The following GRK3 variants were observed in gnomAD, a reference collection of about 807,000 sequenced individuals.
GRK3 encodes G protein-coupled receptor kinase 3.
A neutral mutation model predicts 95.7 loss-of-function variants in GRK3; 54 were observed. The observed-to-expected ratio is 0.56, with a 90% CI of 0.45 to 0.71. The LOEUF is 0.71. Ranked by LOEUF, GRK3 falls within the 30% of genes least tolerant of loss-of-function variation. GRK3 has a pLI of 0.00. For missense variants in GRK3, 649 were observed against 851.2 expected (o/e 0.76, Z 2.96); for synonymous variants, 281 against 290.8 (o/e 0.97, Z 0.34).
intron 3 of GRK3, among the ~76,000 whole-genome samples, chr22:25,649,776 C>A (rs772378801): frequency 5.9e-5 from 9 of 151,994 alleles, no homozygotes; most frequent in Non-Finnish European, 1.2e-4. Flanking sequence ...GGACATGGGC[C>A]AGGTTTTTCA....
chr22:25,703,847 G>A (rs2085277766), intron 14 of GRK3, among the ~76,000 whole-genome samples: 1 of 152,138 alleles, frequency 6.6e-6, no homozygotes, highest in African/African-American at 2.4e-5. Flanking sequence ...GAGAACAGAA[G>A]TAAAGAAATC....
intron 1 of GRK3, among the ~76,000 whole-genome samples, chr22:25,588,277 T>C (rs1180341203): frequency 6.6e-6 from 1 of 152,238 alleles, no homozygotes; most frequent in Non-Finnish European, 1.5e-5. Flanking sequence ...CCTTAATATC[T>C]AGTTATATTG....
chr22:25,718,153 A>G, intron 18 of GRK3, 92 bp from the exon 19 acceptor site: 1 of 1,436,558 alleles, frequency 7.0e-7, no homozygotes, highest in Non-Finnish European at 9.5e-7. Context: ...GCTTTTTCCA[A>G]AAAGCATGTC....
At chr22:25,616,022 T>C (rs1601476290) in intron 2 of GRK3, among the ~76,000 whole-genome samples, 1 of 147,602 alleles carries the variant, frequency 6.8e-6, no homozygotes, top group African/African-American at 2.6e-5. Flanking sequence ...ACAGTGGGAG[T>C]TGGGGTGAGG....
At chr22:25,582,777 A>G (rs1341845480) in intron 1 of GRK3, among the ~76,000 whole-genome samples, 1 of 152,192 alleles carries the variant, frequency 6.6e-6, no homozygotes, top group Non-Finnish European at 1.5e-5. Context: ...ATTCCTCCAC[A>G]TTATACACAA....
At chr22:25,646,861 A>C (rs917284053) in intron 3 of GRK3, among the ~76,000 whole-genome samples, 8 of 151,990 alleles carry the variant, frequency 5.3e-5, no homozygotes, top group Non-Finnish European at 8.8e-5. Flanking sequence ...TCTCTACTAA[A>C]AATACAAAAA....
At chr22:25,575,637 A>T (rs568537276) in intron 1 of GRK3, among the ~76,000 whole-genome samples, 6 of 152,328 alleles carry the variant, frequency 3.9e-5, no homozygotes, top group South Asian at 4.1e-4. Context: ...TTTAGAGTTT[A>T]AAAAAACCCC....
chr22:25,597,634 G>C lies in GRK3; in HGVS notation c.114-6743G>C, dbSNP rs547067898. Among the ~76,000 whole-genome samples, 86 of 152,252 alleles carry C rather than the reference G, an allele frequency of 5.6e-4. 1 individual carries two copies. Among genetic ancestry groups the C allele is most frequent in the African/African-American group, 2.1e-3 (86 of 41,548 alleles). ...ACCCCAAGCAGGGTAAAGGTAGGGAGAGAAAGCATACCTCTAGATGCATTA... is the reference window on the plus strand; with the variant it reads ...ACCCCAAGCAGGGTAAAGGTAGGGACAGAAAGCATACCTCTAGATGCATTA... On this transcript the variant is annotated intron_variant, in intron 1 of 20. Coordinates refer to ENST00000324198, the MANE Select transcript of GRK3 (RefSeq NM_005160.4).
At chr22:25,691,819 A>G (rs1011641589) in intron 12 of GRK3, among the ~76,000 whole-genome samples, 2 of 152,202 alleles carry the variant, frequency 1.3e-5, no homozygotes, top group Non-Finnish European at 2.9e-5. Flanking sequence ...TCAGCTCTGA[A>G]CGGTGGGCTG....
intron 2 of GRK3, among the ~76,000 whole-genome samples, chr22:25,626,464 C>T (rs190213795): frequency 5.8e-4 from 89 of 152,316 alleles, no homozygotes; most frequent in Non-Finnish European, 9.4e-4. Context: ...AAGCCAACTT[C>T]ATTTCCGCAA....
chr22:25,625,169 A>C (rs2084617931), intron 2 of GRK3, among the ~76,000 whole-genome samples: 1 of 152,194 alleles, frequency 6.6e-6, no homozygotes. Context: ...GAGACCGAGG[A>C]CACGAGCTGT....
intron 12 of GRK3, among the ~76,000 whole-genome samples, chr22:25,692,389 GGAGGA>G (rs947212410): frequency 6.6e-6 from 1 of 152,216 alleles, no homozygotes; most frequent in African/African-American, 2.4e-5. Context: ...CCTTCTGTGA[GGAGGA>G]GAGGACAATG....
Position 25,729,103 on chromosome 22 carries a change from A to G in GRK3, c.*6653A>G, listed in dbSNP as rs997719599. The G allele has an allele frequency of 2.0e-5, 3 of 152,168 alleles. No individual in the cohort carries two copies. Among genetic ancestry groups the G allele is most frequent in the Non-Finnish European group, 4.4e-5 (3 of 68,030 alleles). The allele number at this position is 152,168 out of a possible 1,614,324, so 9.4% of individuals were successfully genotyped here. A position where few individuals can be genotyped will look rare whatever the true frequency, so the allele number is the denominator to read the frequency against. Reference sequence around the variant, plus strand: ...GGAAGGTTTATAATCCCTTCTCAGTATACACTCACTAGTGCACGTCTGAAA... The same window carrying G: ...GGAAGGTTTATAATCCCTTCTCAGTGTACACTCACTAGTGCACGTCTGAAA... On this transcript the variant is annotated 3_prime_UTR_variant, in exon 21 of 21. Transcript: ENST00000324198.
intron 3 of GRK3, among the ~76,000 whole-genome samples, chr22:25,649,672 C>A (rs973393270): frequency 2.6e-4 from 40 of 152,152 alleles, no homozygotes; most frequent in Admixed American, 1.2e-3. Context: ...AATTCCATTC[C>A]AGTTTTTTAA....
intron 5 of GRK3, among the ~76,000 whole-genome samples, chr22:25,665,501 A>C (rs2084935798): frequency 6.6e-6 from 1 of 152,228 alleles, no homozygotes. Flanking sequence ...CCTTCAAAAA[A>C]CATTCATTTA....
intron 3 of GRK3, among the ~76,000 whole-genome samples, chr22:25,651,182 G>A (rs1454910380): frequency 6.6e-6 from 1 of 152,162 alleles, no homozygotes; most frequent in South Asian, 2.1e-4. Flanking sequence ...TTGAATAGCA[G>A]CATTAGTGGT....
intron 13 of GRK3, among the ~76,000 whole-genome samples, chr22:25,697,895 CT>C (rs1347259548): frequency 2.0e-5 from 3 of 152,242 alleles, no homozygotes; most frequent in African/African-American, 7.2e-5. Flanking sequence ...GCCATTCCTT[CT>C]ATTGTTTGTT....
intron 1 of GRK3, among the ~76,000 whole-genome samples, chr22:25,567,841 A>G (rs1226551169): frequency 1.3e-5 from 2 of 152,222 alleles, no homozygotes; most frequent in Non-Finnish European, 2.9e-5. Context: ...ATATCTAGCT[A>G]ATTTAAATGA....
At chr22:25,664,062 G>A (rs570796493) in intron 5 of GRK3, among the ~76,000 whole-genome samples, 1 of 152,186 alleles carries the variant, frequency 6.6e-6, no homozygotes, top group Non-Finnish European at 1.5e-5. Context: ...GTAGTGCCAG[G>A]CTGTTGATAC....
Sources: allele counts gnomAD v4.1 joint callset (sites outside exome capture counted in the v4.1 genomes callset), GRCh38; gene constraint gnomAD v4.1.1; transcripts MANE v1.5; gene names NCBI Gene and HGNC (gene_info 2026-07-23, HGNC 2026-07-21).